Variants in PLCZ1 observed in about 807,000 individuals in gnomAD.
The protein encoded by PLCZ1 is 1-phosphatidylinositol 4,5-bisphosphate phosphodiesterase zeta-1.
PLCZ1 carries 64 observed loss-of-function variants against 76.8 expected under a neutral mutation model. The observed-to-expected ratio is 0.83, with a 90% CI of 0.68 to 1.03. PLCZ1 has a LOEUF of 1.03. Ranked by LOEUF, PLCZ1 falls within the 50% of genes least tolerant of loss-of-function variation. The pLI is 0.00. For missense variants in PLCZ1, 751 were observed against 713.7 expected (o/e 1.05, Z -0.60); for synonymous variants, 248 against 230.8 (o/e 1.07, Z -0.68).
chr12:18,683,079 C>T (rs558323361), downstream of PLCZ1: 3 of 683,336 alleles, frequency 4.4e-6, no homozygotes, highest in South Asian at 5.9e-5. Flanking sequence ...TCTTTTCTTC[C>T]ACTGATTTAT....
chr12:18,671,826 TCA>T, the PLCZ1 span, among the ~76,000 whole-genome samples: 2 of 152,164 alleles, frequency 1.3e-5, no homozygotes, highest in African/African-American at 2.4e-5. Flanking sequence ...AATTGATTTC[TCA>T]CAGTTTTGGA....
At chr12:18,654,065 G>C in the PLCZ1 span, among the ~76,000 whole-genome samples, 1 of 152,090 alleles carries the variant, frequency 6.6e-6, no homozygotes, top group East Asian at 1.9e-4. Flanking sequence ...AAATAAAATA[G>C]AATGTGTCAA....
the PLCZ1 span, among the ~76,000 whole-genome samples, chr12:18,656,982 A>T: frequency 7.9e-5 from 12 of 152,158 alleles, no homozygotes; most frequent in Admixed American, 6.6e-4. Flanking sequence ...CATTTTTTGT[A>T]TAGGGTCCTA....
chr12:18,657,044 G>A, the PLCZ1 span, among the ~76,000 whole-genome samples: 478 of 152,182 alleles, frequency 3.1e-3, 5 homozygotes, highest in African/African-American at 0.011. Flanking sequence ...AATTGTGGTT[G>A]TTTTGACTTG....
At chr12:18,690,716 A>G (rs1276230700) in intron 12 of PLCZ1, among the ~76,000 whole-genome samples, 2 of 152,154 alleles carry the variant, frequency 1.3e-5, no homozygotes, top group African/African-American at 2.4e-5. Context: ...CATGATTCCT[A>G]AGTCTTGAAA....
chr12:18,674,793 G>A, the PLCZ1 span, among the ~76,000 whole-genome samples: 1 of 152,126 alleles, frequency 6.6e-6, no homozygotes, highest in Non-Finnish European at 1.5e-5. Flanking sequence ...AAGTGGTATG[G>A]TATGACTTCC....
At chr12:18,704,277 T>C (rs1956305944) in intron 7 of PLCZ1, among the ~76,000 whole-genome samples, 1 of 152,136 alleles carries the variant, frequency 6.6e-6, no homozygotes, top group South Asian at 2.1e-4. Flanking sequence ...ACTGAACAGG[T>C]TGCAAGGAGA....
Position 18,694,921 on chromosome 12 carries a change from G to T in PLCZ1, c.1450C>A (p.Leu484Ile). ...TTTATTAATCTTACCCTTATTGTAA[G>T]TGTAATTGGCATACCCTCTTTTATG... Reference protein sequence around the residue: ...SNIKEGMPITLTIRLISGIQL... With the variant: ...SNIKEGMPITITIRLISGIQL... The change falls in exon 12 of 15, where the codon CTT (leucine) becomes ATT (isoleucine). Residue 484 changes from leucine (L) to isoleucine (I), a missense_variant. By Grantham distance (5) the Leu-to-Ile change is conservative (BLOSUM62 2). Coordinates refer to ENST00000266505, the MANE Select transcript of PLCZ1 (RefSeq NM_033123.4). The T allele has an allele frequency of 6.3e-7, 1 of 1,593,318 alleles. No individual in the cohort carries two copies. Among genetic ancestry groups the T allele is most frequent in the Non-Finnish European group, 8.6e-7 (1 of 1,163,138 alleles).
chr12:18,695,561 G>A (rs1458007923), intron 11 of PLCZ1, among the ~76,000 whole-genome samples: 1 of 152,052 alleles, frequency 6.6e-6, no homozygotes, highest in Admixed American at 6.6e-5. Context: ...AATAGCCACT[G>A]TAGAGAGTAC....
intron 5 of PLCZ1, among the ~76,000 whole-genome samples, chr12:18,718,793 T>C (rs1419513854): frequency 6.6e-6 from 1 of 152,220 alleles, no homozygotes; most frequent in African/African-American, 2.4e-5. Flanking sequence ...TCTGTCTATC[T>C]GCTTGTACAC....
At chr12:18,647,815 CA>C in the PLCZ1 span, 1 of 1,014,046 alleles carries the variant, frequency 9.9e-7, no homozygotes, top group Non-Finnish European at 1.3e-6. Context: ...AAGCAATACT[CA>C]AAAAAGAGAT....
At chr12:18,716,476 T>A (rs1030409334) in intron 5 of PLCZ1, among the ~76,000 whole-genome samples, 5 of 152,210 alleles carry the variant, frequency 3.3e-5, no homozygotes, top group Non-Finnish European at 5.9e-5. Flanking sequence ...AAGTTTTACC[T>A]TCTCTAATGG....
At position 18,694,395 on chromosome 12, in the gene PLCZ1, T is replaced by C. The variant is rs138104974; in HGVS notation, c.1461+515A>G. Among the ~76,000 whole-genome samples the C allele has an allele frequency of 2.6e-5, 4 of 152,264 alleles. No homozygotes were observed. In the East Asian group the frequency reaches 7.7e-4, roughly 29 times the overall value. Reference sequence around the variant, plus strand: ...AAAGTTGACACAAATTAACAGACACTGAAGACAGATACTGGAGAAAGACAT... The same window carrying C: ...AAAGTTGACACAAATTAACAGACACCGAAGACAGATACTGGAGAAAGACAT... On this transcript the variant is annotated intron_variant, in intron 12 of 14. Transcript: ENST00000266505.
chr12:18,723,579 T>C lies in PLCZ1; in HGVS notation c.136-37A>G, dbSNP rs768319148. 6 of 1,447,692 alleles carry C rather than the reference T, an allele frequency of 4.1e-6. No homozygotes were observed. The African/African-American group carries it at 7.0e-5, about 17-fold the overall frequency. The allele number at this position is 1,447,692 out of a possible 1,614,324, so 89.7% of individuals were successfully genotyped here. ...ATGACTGGTGGGCTCACATTGTGAG[T>C]ATAAAAAATACATAAAATGAATATT... On this transcript the variant is annotated intron_variant, in intron 3 of 14. Transcript: ENST00000266505.
chr12:18,724,242 G>A (rs1459122960), intron 3 of PLCZ1, among the ~76,000 whole-genome samples: 2 of 152,034 alleles, frequency 1.3e-5, no homozygotes. Context: ...CAAGTGGGAG[G>A]TGGTGAATAG....
chr12:18,670,293 C>A, the PLCZ1 span, among the ~76,000 whole-genome samples: 1 of 151,470 alleles, frequency 6.6e-6, no homozygotes, highest in Non-Finnish European at 1.5e-5. Context: ...CACACATATG[C>A]GCACACACAC....
rs532921835 is a variant in PLCZ1 at position 18,701,114 on chromosome 12, A to C, written c.1017+387T>G. Among the ~76,000 whole-genome samples, 12 of 151,970 alleles carry C rather than the reference A, an allele frequency of 7.9e-5. No homozygotes were observed. In the South Asian group the frequency reaches 2.3e-3, roughly 29 times the overall value. On this transcript the variant is annotated intron_variant, in intron 9 of 14. Transcript: ENST00000266505. ...ATTCTCCTGCTTCAGCGTCACAAGT[A>C]GTTGGAACTACAGGCATGCGTCACC... is the stretch of plus-strand genomic sequence containing the variant.
chr12:18,679,471 T>G (rs1186398012), downstream of PLCZ1, among the ~76,000 whole-genome samples: 1 of 151,978 alleles, frequency 6.6e-6, no homozygotes, highest in African/African-American at 2.4e-5. Flanking sequence ...TTTTGTGTAT[T>G]GTGCATTAAG....
chr12:18,654,712 C>T, the PLCZ1 span, among the ~76,000 whole-genome samples: 5 of 152,132 alleles, frequency 3.3e-5, no homozygotes, highest in Admixed American at 6.6e-5. Flanking sequence ...TGGATCAGCT[C>T]TTGGTCTGAT....
Sources: allele counts gnomAD v4.1 joint callset (sites outside exome capture counted in the v4.1 genomes callset), GRCh38; gene constraint gnomAD v4.1.1; transcripts MANE v1.5; gene names NCBI Gene and HGNC (gene_info 2026-07-23, HGNC 2026-07-21).